Variants in GRIK2 observed in about 807,000 individuals in gnomAD.
The protein encoded by GRIK2 is glutamate receptor ionotropic, kainate 2.
In GRIK2, 32 loss-of-function variants were observed where a neutral mutation model predicts 100.3. The ratio of observed to expected loss-of-function variants is 0.32; its 90% confidence interval spans 0.24 to 0.43. GRIK2 has a LOEUF of 0.43. Ranked by LOEUF, GRIK2 falls within the 20% of genes least tolerant of loss-of-function variation. The pLI, the probability that GRIK2 is intolerant of heterozygous loss-of-function variation, is 1.00. For missense variants in GRIK2, 843 were observed against 1,114.9 expected, an observed-to-expected ratio of 0.76 and a Z score of 3.47; for synonymous variants, 417 against 389.4, an observed-to-expected ratio of 1.07 and a Z score of -0.83.
rs1232734144 is a variant in GRIK2 at position 101,622,254 on chromosome 6, A to G, written c.283+138A>G. On this transcript the variant is annotated intron_variant, in intron 3 of 16. Transcript: ENST00000369134. ...ATGCAAAGATTTATTTTCAAAATGC[A>G]TATAAATTTTATCAGAGAAGATAAA... The G allele has an allele frequency of 7.3e-6, 4 of 551,146 alleles. No individual in the cohort carries two copies. The African/African-American group carries it at 7.6e-5, about 10-fold the overall frequency. 34.1% of individuals were successfully genotyped at this position (551,146 alleles called of 1,614,324 possible).
At chr6:101,544,766 G>A (rs373609459) in intron 2 of GRIK2, among the ~76,000 whole-genome samples, 80 of 152,200 alleles carry the variant, frequency 5.3e-4, no homozygotes, top group African/African-American at 1.9e-3. Flanking sequence ...TATGCAGTTT[G>A]GGAAACTGAG....
chr6:101,670,471 A>G (rs1415485), intron 4 of GRIK2, among the ~76,000 whole-genome samples: 29,275 of 152,028 alleles, frequency 0.19, 3,119 homozygotes, highest in East Asian at 0.44. Context: ...TGATGGCTCA[A>G]TGGACTATCA....
chr6:101,942,115 T>G (rs1317004933), intron 14 of GRIK2, among the ~76,000 whole-genome samples: 1 of 152,074 alleles, frequency 6.6e-6, no homozygotes, highest in Non-Finnish European at 1.5e-5. Flanking sequence ...AAACACAGAT[T>G]TATTATAATT....
chr6:101,491,024 G>C (rs1469708976), intron 2 of GRIK2, among the ~76,000 whole-genome samples: 1 of 145,640 alleles, frequency 6.9e-6, no homozygotes, highest in Non-Finnish European at 1.5e-5. Context: ...GAGAAAGTTG[G>C]CATTCAGACA....
chr6:101,553,297 C>T (rs1473705567), intron 2 of GRIK2, among the ~76,000 whole-genome samples: 2 of 152,016 alleles, frequency 1.3e-5, no homozygotes, highest in African/African-American at 4.8e-5. Flanking sequence ...TAGGGTGTAT[C>T]AATGTATTAT....
chr6:101,918,739 A>G (rs1369333355), intron 12 of GRIK2, among the ~76,000 whole-genome samples: 1 of 151,726 alleles, frequency 6.6e-6, no homozygotes, highest in Non-Finnish European at 1.5e-5. Flanking sequence ...TAGTCATTCT[A>G]TTATGCCTCT....
At chr6:101,776,280 AC>A (rs1778740978) in intron 7 of GRIK2, among the ~76,000 whole-genome samples, 1 of 152,192 alleles carries the variant, frequency 6.6e-6, no homozygotes, top group Non-Finnish European at 1.5e-5. Context: ...AAGAATAATT[AC>A]TTTTGATTAC....
intron 14 of GRIK2, among the ~76,000 whole-genome samples, chr6:101,935,817 T>A (rs936946164): frequency 1.3e-5 from 2 of 152,054 alleles, no homozygotes; most frequent in Admixed American, 6.6e-5. Flanking sequence ...CATATTGCTT[T>A]GTGTTACTTG....
intron 7 of GRIK2, among the ~76,000 whole-genome samples, chr6:101,745,337 G>A (rs1284640174): frequency 6.6e-6 from 1 of 152,060 alleles, no homozygotes; most frequent in African/African-American, 2.4e-5. Flanking sequence ...AGTACTCTAT[G>A]AAGAATCAGT....
At position 101,426,639 on chromosome 6, in the gene GRIK2, T is replaced by G. The variant is rs186701622; in HGVS notation, c.115+27247T>G. The stretch of plus-strand genomic sequence containing the variant: ...CAAATATTAAAAAGTTTACAGAGGA[T>G]CTACTGTCTACAGGCACTCAAATGG... On this transcript the variant is annotated intron_variant, in intron 2 of 16. Transcript: ENST00000369134. 7.2e-5 allele frequency among the ~76,000 whole-genome samples: 11 copies of G among 152,238 alleles called. No homozygotes were observed. In the East Asian group the frequency reaches 2.1e-3, roughly 29 times the overall value.
intron 2 of GRIK2, among the ~76,000 whole-genome samples, chr6:101,488,429 TTTATAA>T (rs1360579100): frequency 6.8e-6 from 1 of 146,840 alleles, no homozygotes; most frequent in Non-Finnish European, 1.5e-5. Context: ...GAAAACAGTG[TTTATAA>T]TTATAATGTA....
chr6:101,948,635 T>A (rs1791427483), intron 14 of GRIK2, among the ~76,000 whole-genome samples: 1 of 151,152 alleles, frequency 6.6e-6, no homozygotes, highest in Non-Finnish European at 1.5e-5. Flanking sequence ...TGTTAAAAGG[T>A]TTTTTTATTG....
At chr6:101,819,185 A>G (rs966427309) in intron 10 of GRIK2, among the ~76,000 whole-genome samples, 1 of 152,196 alleles carries the variant, frequency 6.6e-6, no homozygotes, top group Non-Finnish European at 1.5e-5. Context: ...TAGCTCTTAC[A>G]TTATTTAGTC....
intron 2 of GRIK2, among the ~76,000 whole-genome samples, chr6:101,445,937 A>G (rs1770348662): frequency 6.6e-6 from 1 of 152,074 alleles, no homozygotes; most frequent in African/African-American, 2.4e-5. Flanking sequence ...TTTTACATCT[A>G]TAAGGCCCTA....
intron 7 of GRIK2, among the ~76,000 whole-genome samples, chr6:101,780,397 C>T (rs1779014256): frequency 6.6e-6 from 1 of 152,120 alleles, no homozygotes; most frequent in African/African-American, 2.4e-5. Flanking sequence ...GCCAATCTTT[C>T]ATGAGACCTC....
At chr6:101,440,215 A>C (rs1170728711) in intron 2 of GRIK2, among the ~76,000 whole-genome samples, 1 of 152,202 alleles carries the variant, frequency 6.6e-6, no homozygotes, top group African/African-American at 2.4e-5. Context: ...AACAGGAAAT[A>C]AGGTGAAATT....
intron 7 of GRIK2, among the ~76,000 whole-genome samples, chr6:101,777,891 A>G (rs921927401): frequency 2.3e-4 from 35 of 152,234 alleles, no homozygotes; most frequent in African/African-American, 7.7e-4. Context: ...CTTTACTCAC[A>G]TTCCTCTCCA....
intron 14 of GRIK2, among the ~76,000 whole-genome samples, chr6:102,026,144 A>ATG (rs1332368923): frequency 9.2e-6 from 1 of 108,358 alleles, no homozygotes; most frequent in African/African-American, 3.1e-5. Context: ...ATATATATAT[A>ATG]TATATATATA....
At chr6:101,848,406 A>G (rs1014457468) in intron 10 of GRIK2, among the ~76,000 whole-genome samples, 2 of 152,152 alleles carry the variant, frequency 1.3e-5, no homozygotes, top group Non-Finnish European at 2.9e-5. Flanking sequence ...AAAAATATTT[A>G]CTATTTGGTC....
Sources: allele counts gnomAD v4.1 joint callset (sites outside exome capture counted in the v4.1 genomes callset), GRCh38; gene constraint gnomAD v4.1.1; transcripts MANE v1.5; gene names NCBI Gene and HGNC (gene_info 2026-07-23, HGNC 2026-07-21).